Variants in VRK2 observed in about 807,000 individuals in gnomAD.
The protein encoded by VRK2 is VRK serine/threonine kinase 2.
In VRK2, 60 loss-of-function variants were observed where a neutral mutation model predicts 57.6. That is an observed-to-expected ratio of 1.04 (90% CI 0.85 to 1.29). VRK2 has a LOEUF of 1.29. Ranked by LOEUF, VRK2 falls within the 50% of genes most tolerant of loss-of-function variation. VRK2 has a pLI of 0.00. For synonymous variants in VRK2, 231 were observed against 199.2 expected (o/e 1.16, Z -1.35); for missense variants, 705 against 588.1 (o/e 1.20, Z -2.06).
chr2:57,939,024 C>T (rs1056531815), intron 1 of VRK2, among the ~76,000 whole-genome samples: 3 of 151,944 alleles, frequency 2.0e-5, no homozygotes, highest in Non-Finnish European at 4.4e-5. Flanking sequence ...GAGAAACAGA[C>T]AATAGTGAAG....
intron 1 of VRK2, among the ~76,000 whole-genome samples, chr2:57,983,686 G>T (rs1419910001): frequency 6.6e-6 from 1 of 152,204 alleles, no homozygotes; most frequent in Non-Finnish European, 1.5e-5. Flanking sequence ...CTGCAAGGGA[G>T]AGTGTATACA....
chr2:57,928,213 T>C (rs1313072784), intron 1 of VRK2, among the ~76,000 whole-genome samples: 2 of 152,138 alleles, frequency 1.3e-5, no homozygotes, highest in Non-Finnish European at 2.9e-5. Context: ...CTTGTAGATA[T>C]TCATTTTTTA....
chr2:58,087,955 C>G (rs1412862450), intron 5 of VRK2, among the ~76,000 whole-genome samples: 1 of 152,014 alleles, frequency 6.6e-6, no homozygotes, highest in Non-Finnish European at 1.5e-5. Context: ...CCACTGCACT[C>G]CAGCCTGGTG....
intron 2 of VRK2, among the ~76,000 whole-genome samples, chr2:58,066,014 C>A (rs1668556018): frequency 6.6e-6 from 1 of 152,082 alleles, no homozygotes. Context: ...TCTTTTGTGG[C>A]AGATTCTTTG....
intron 1 of VRK2, among the ~76,000 whole-genome samples, chr2:57,998,564 T>C (rs1672994550): frequency 6.6e-6 from 1 of 152,306 alleles, no homozygotes; most frequent in African/African-American, 2.4e-5. Flanking sequence ...TAAAGGTTAT[T>C]AACATTTTTG....
At position 58,088,364 on chromosome 2, in the gene VRK2, G is replaced by A; in HGVS notation, c.368G>A (p.Arg123Lys). Residue 123 changes from arginine (R) to lysine (K), a missense_variant, in exon 6 of 13, where the codon AGA becomes AAA. By Grantham distance (26) the Arg-to-Lys change is conservative. Coordinates refer to ENST00000340157, the MANE Select transcript of VRK2 (RefSeq NM_006296.7). ...AGTTACAGATTTATGGTAATGGAAA[G>A]ACTAGGAATAGATTTACAGAAGATC... ...GRSYRFMVME[R>K]LGIDLQKISG... The A allele has an allele frequency of 6.2e-7, 1 of 1,612,474 alleles. No homozygotes were observed. Among genetic ancestry groups the A allele is most frequent in the South Asian group, 1.1e-5 (1 of 90,758 alleles).
intron 7 of VRK2, among the ~76,000 whole-genome samples, chr2:58,110,306 C>T (rs1675371339): frequency 6.6e-6 from 1 of 152,028 alleles, no homozygotes; most frequent in Non-Finnish European, 1.5e-5. Context: ...AAACAGAAAG[C>T]AATCATTTAT....
At chr2:58,136,810 T>TATATCATATA (rs1473562280) in intron 10 of VRK2, among the ~76,000 whole-genome samples, 2 of 132,178 alleles carry the variant, frequency 1.5e-5, no homozygotes, top group African/African-American at 5.4e-5. Flanking sequence ...TATGTGTATA[T>TATATCATATA]ATATCATATA....
At chr2:58,043,389 TATA>T (rs371627921), upstream of VRK2, among the ~76,000 whole-genome samples, 498 of 152,342 alleles carry the variant, frequency 3.3e-3, 5 homozygotes, top group African/African-American at 0.011. Flanking sequence ...TTGACAAATG[TATA>T]ATAATGTATC....
chr2:57,931,382 C>T (rs536680479), intron 1 of VRK2, among the ~76,000 whole-genome samples: 33 of 152,106 alleles, frequency 2.2e-4, no homozygotes, highest in Admixed American at 5.2e-4. Flanking sequence ...TGATGTTGAG[C>T]CCCTTTTAAT....
intron 1 of VRK2, among the ~76,000 whole-genome samples, chr2:57,984,639 T>C (rs1046161467): frequency 5.9e-5 from 9 of 152,086 alleles, no homozygotes; most frequent in African/African-American, 1.7e-4. Context: ...ACCTGACACA[T>C]TGAATTAAAT....
intron 7 of VRK2, among the ~76,000 whole-genome samples, chr2:58,112,270 G>T (rs964648401): frequency 1.3e-5 from 2 of 152,176 alleles, no homozygotes; most frequent in African/African-American, 4.8e-5. Flanking sequence ...TACCAGGCTG[G>T]ATGTGTTTGT....
chr2:57,972,081 G>C (rs542931077), intron 1 of VRK2, among the ~76,000 whole-genome samples: 1 of 151,768 alleles, frequency 6.6e-6, no homozygotes, highest in Non-Finnish European at 1.5e-5. Context: ...GCTTGACACA[G>C]TATTCCAGTT....
chr2:58,154,741 C>G (rs1683537782), intron 12 of VRK2: 1 of 717,010 alleles, frequency 1.4e-6, no homozygotes, highest in Non-Finnish European at 2.6e-6. Flanking sequence ...GTATTTTCTT[C>G]CCTTTTTTCC....
At position 58,131,930 on chromosome 2, in the gene VRK2, T is replaced by G; in HGVS notation, c.797+2T>G. The G allele has an allele frequency of 6.2e-7, 1 of 1,613,946 alleles. No homozygotes were observed. The highest frequency in any genetic ancestry group is 8.5e-7 in the Non-Finnish European group (1 of 1,179,940). ...GGCTGTGCAGACTGCTAAAACAAAG[T>G]ACAAATTTTCAAGTATTTCATCATG... On this transcript the variant is annotated splice_donor_variant, in intron 9 of 12. Transcript: ENST00000340157. LOFTEE classifies it high-confidence loss of function.
At position 57,922,454 on chromosome 2, in the gene VRK2, TTGTGTG is replaced by T. The variant is rs59731064; in HGVS notation, c.-439+14644_-439+14649del. On this transcript the variant is annotated intron_variant, in intron 1 of 15. Transcript: ENST00000417641. The stretch of plus-strand genomic sequence containing the variant: ...ACCATCACCTCACATAGTTACCTTC[TTGTGTG>T]TGTGTGTGTGTGTGTGTGTGTGTGT... Among the ~76,000 whole-genome samples the T allele has an allele frequency of 4.8e-3, 707 of 147,054 alleles. 2 individuals are homozygous for T. Among genetic ancestry groups the T allele is most frequent in the African/African-American group, 0.015 (620 of 40,202 alleles).
chr2:57,978,625 G>A (rs1201904255), intron 1 of VRK2, among the ~76,000 whole-genome samples: 1 of 150,508 alleles, frequency 6.6e-6, no homozygotes, highest in African/African-American at 2.5e-5. Flanking sequence ...TGATCCCTCA[G>A]GCCAAGTATC....
intron 2 of VRK2, among the ~76,000 whole-genome samples, chr2:58,053,145 C>T (rs1044863720): frequency 1.3e-5 from 2 of 152,156 alleles, no homozygotes; most frequent in Non-Finnish European, 2.9e-5. Context: ...TGTCACTCTT[C>T]GATCTACTGC....
chr2:58,054,456 T>C (rs1676217850), intron 2 of VRK2, among the ~76,000 whole-genome samples: 3 of 151,960 alleles, frequency 2.0e-5, no homozygotes. Context: ...TGAGCTCACC[T>C]CTATTGCCAC....
Sources: gnomAD v4.1 joint callset for allele counts (sites outside exome capture counted in the v4.1 genomes callset) on GRCh38, gnomAD v4.1.1 for gene constraint, MANE v1.5 for transcripts, NCBI Gene and HGNC (gene_info 2026-07-23, HGNC 2026-07-21) for gene names.